The following WDFY3 variants were observed in gnomAD, a reference collection of about 807,000 sequenced individuals.
WDFY3 encodes the protein WD repeat and FYVE domain-containing protein 3.
Under a neutral mutation model 409.6 loss-of-function variants are expected in WDFY3, and 66 were observed. The ratio of observed to expected loss-of-function variants is 0.16; its 90% confidence interval spans 0.13 to 0.20. The LOEUF (loss-of-function observed/expected upper bound fraction) is 0.20. WDFY3 is among the 10% of genes least tolerant of loss of function. The probability of loss-of-function intolerance (pLI) is 1.00; values close to 1 mark genes in which losing one functional copy is unlikely to be tolerated. For missense variants in WDFY3, 3,031 were observed against 4,298.1 expected (o/e 0.71, Z 8.24); for synonymous variants, 1,521 against 1,537.1 (o/e 0.99, Z 0.25).
chr4:84,683,296 T>C (rs1020129702), intron 63 of WDFY3, among the ~76,000 whole-genome samples: 9 of 152,182 alleles, frequency 5.9e-5, no homozygotes, highest in African/African-American at 2.2e-4. Flanking sequence ...TTTCAACATG[T>C]GACTCTGACT....
At chr4:84,954,178 T>C (rs1773962092) in intron 1 of WDFY3, among the ~76,000 whole-genome samples, 1 of 152,166 alleles carries the variant, frequency 6.6e-6, no homozygotes, top group African/African-American at 2.4e-5. Context: ...TCTATTTACA[T>C]AGGATCATTA....
intron 36 of WDFY3, among the ~76,000 whole-genome samples, chr4:84,747,219 C>G (rs983773569): frequency 6.6e-6 from 1 of 152,188 alleles, no homozygotes. Context: ...GTGTCCCACA[C>G]ACAGGCCAGA....
At chr4:84,713,482 A>C (rs938853469) in intron 50 of WDFY3, among the ~76,000 whole-genome samples, 1 of 152,198 alleles carries the variant, frequency 6.6e-6, no homozygotes, top group African/African-American at 2.4e-5. Context: ...AGTGAATCTC[A>C]ATCACTTTAC....
chr4:84,772,885 C>A lies in WDFY3; in HGVS notation c.4799G>T (p.Cys1600Phe), dbSNP rs1744909195. ...TATTTCCATTACTACAAATTTCTCA[C>A]AAACCGCAAAGGTTGGCAAAGTAGA... ...ISSTLPTFAV[C>F]EKFVVMEINN... The change falls in exon 30 of 68, where the codon TGT (cysteine) becomes TTT (phenylalanine). Residue 1600 changes from cysteine to phenylalanine, a missense_variant. Transcript: ENST00000295888. 6.2e-7 allele frequency: 1 copy of A among 1,610,722 alleles called. No homozygotes were observed. The highest frequency in any genetic ancestry group is 1.7e-5 in the Admixed American group (1 of 59,466).
intron 3 of WDFY3, among the ~76,000 whole-genome samples, chr4:84,882,718 ATTTT>A (rs761553554): frequency 7.0e-6 from 1 of 143,858 alleles, no homozygotes. Context: ...TTTCACCTAT[ATTTT>A]TTTTTTTTTT....
chr4:84,945,598 A>C (rs904822050), intron 1 of WDFY3, among the ~76,000 whole-genome samples: 2 of 152,194 alleles, frequency 1.3e-5, no homozygotes, highest in Non-Finnish European at 2.9e-5. Flanking sequence ...GAAGCTTGAC[A>C]TGCAAGTTGT....
chr4:84,833,711 C>CAGAAG (rs1560879372), intron 7 of WDFY3, among the ~76,000 whole-genome samples: 6 of 150,958 alleles, frequency 4.0e-5, no homozygotes, highest in Non-Finnish European at 8.9e-5. Flanking sequence ...GAGAAGAGAA[C>CAGAAG]AGAACAGAAG....
chr4:84,940,977 G>A, intron 1 of WDFY3, among the ~76,000 whole-genome samples: 1 of 151,994 alleles, frequency 6.6e-6, no homozygotes, highest in East Asian at 1.9e-4. Context: ...ATCTATTAAT[G>A]ATAAAAGCTC....
intron 51 of WDFY3, among the ~76,000 whole-genome samples, chr4:84,710,542 T>C (rs2148996365): frequency 6.6e-6 from 1 of 152,278 alleles, no homozygotes; most frequent in East Asian, 1.9e-4. Flanking sequence ...CCTAAACACA[T>C]CCAGCTCGAT....
At chr4:84,885,087 G>A (rs1043153249) in intron 3 of WDFY3, among the ~76,000 whole-genome samples, 4 of 151,978 alleles carry the variant, frequency 2.6e-5, no homozygotes, top group African/African-American at 4.8e-5. Flanking sequence ...TGCACCCTCC[G>A]CCTCCTGGGT....
At chr4:84,719,480 T>C (rs538809504) in intron 47 of WDFY3, among the ~76,000 whole-genome samples, 6 of 152,322 alleles carry the variant, frequency 3.9e-5, no homozygotes, top group Admixed American at 1.3e-4. Context: ...ATACACTTCC[T>C]GCACTATTAA....
chr4:84,753,637 G>T, intron 35 of WDFY3, 60 bp downstream of exon 35: 1 of 1,479,366 alleles, frequency 6.8e-7, no homozygotes, highest in African/African-American at 1.4e-5. Context: ...CATTGAAACA[G>T]ACTAATTCCA....
intron 8 of WDFY3, among the ~76,000 whole-genome samples, chr4:84,830,864 A>C (rs1383385895): frequency 3.3e-5 from 5 of 152,186 alleles, no homozygotes; most frequent in Non-Finnish European, 7.3e-5. Context: ...TTGAATTTAC[A>C]CAACAATGAA....
intron 7 of WDFY3, among the ~76,000 whole-genome samples, chr4:84,833,706 G>C (rs141000505): frequency 0.014 from 2,069 of 151,158 alleles, 21 homozygotes; most frequent in Non-Finnish European, 0.018. Flanking sequence ...GAGAAGAGAA[G>C]AGAACAGAAC....
At chr4:84,676,089 TA>T (rs1347385782) in intron 67 of WDFY3, among the ~76,000 whole-genome samples, 6 of 152,028 alleles carry the variant, frequency 3.9e-5, no homozygotes, top group African/African-American at 1.4e-4. Context: ...ACAACCAGTT[TA>T]AAAACTTGTA....
In WDFY3 at chr4:84,921,853, C is replaced by T. The variant is rs557805909; in HGVS notation, c.-132+10417G>A. 5.1e-4 allele frequency among the ~76,000 whole-genome samples: 77 copies of T among 151,524 alleles called. No homozygotes were observed. The South Asian group carries it at 0.01, about 21-fold the overall frequency. The stretch of plus-strand genomic sequence containing the variant: ...TACATTTTTAGCAGAGACAAGGTTT[C>T]ACCATCTTAGCCAGGTTGGTCTTCA... On this transcript the variant is annotated intron_variant, in intron 2 of 67. Coordinates refer to ENST00000295888, the MANE Select transcript of WDFY3 (RefSeq NM_014991.6).
intron 43 of WDFY3, among the ~76,000 whole-genome samples, chr4:84,734,387 A>G (rs1173969437): frequency 6.6e-6 from 1 of 152,228 alleles, no homozygotes; most frequent in Non-Finnish European, 1.5e-5. Context: ...GAACAATTAA[A>G]AAATTATCTA....
At chr4:84,918,760 A>G (rs1768843136) in intron 2 of WDFY3, among the ~76,000 whole-genome samples, 2 of 151,688 alleles carry the variant, frequency 1.3e-5, no homozygotes, top group Non-Finnish European at 2.9e-5. Flanking sequence ...ACATATGTAT[A>G]TCCATGTTAT....
chr4:84,756,026 G>A (rs1027688869), intron 33 of WDFY3, among the ~76,000 whole-genome samples: 1 of 152,130 alleles, frequency 6.6e-6, no homozygotes, highest in Non-Finnish European at 1.5e-5. Flanking sequence ...ATAGCATTTG[G>A]CATTAGGATG....
Sources: allele counts gnomAD v4.1 joint callset (sites outside exome capture counted in the v4.1 genomes callset), GRCh38; gene constraint gnomAD v4.1.1; transcripts MANE v1.5; gene names NCBI Gene and HGNC (gene_info 2026-07-23, HGNC 2026-07-21).